Variants in DNAJC8 observed in about 807,000 individuals in gnomAD.
The protein encoded by DNAJC8 is dnaJ homolog subfamily C member 8.
In DNAJC8, 24 loss-of-function variants were observed where a neutral mutation model predicts 43.2. The ratio of observed to expected loss-of-function variants is 0.56; its 90% CI spans 0.40 to 0.78. The LOEUF is 0.78. Among genes scored for constraint, DNAJC8 ranks in the 30% least tolerant of loss-of-function variants. The pLI, the probability that DNAJC8 is intolerant of heterozygous loss-of-function variation, is 0.00. For missense variants in DNAJC8, 207 were observed against 299.4 expected (o/e 0.69, Z 2.28); for synonymous variants, 83 against 98.0 (o/e 0.85, Z 0.90).
At chr1:28,221,068 G>A (rs1485890255) in intron 2 of DNAJC8, among the ~76,000 whole-genome samples, 3 of 151,712 alleles carry the variant, frequency 2.0e-5, no homozygotes, top group Admixed American at 1.3e-4. Flanking sequence ...GGCTGGGCGC[G>A]GTGGCTCACG....
At chr1:28,212,614 A>G (rs1246729464) in intron 3 of DNAJC8, among the ~76,000 whole-genome samples, 2 of 152,004 alleles carry the variant, frequency 1.3e-5, no homozygotes, top group Non-Finnish European at 2.9e-5. Context: ...TTTATAATAA[A>G]CCAGCTAAAA....
chr1:28,224,046 C>T (rs1437855160), intron 2 of DNAJC8, among the ~76,000 whole-genome samples: 2 of 152,132 alleles, frequency 1.3e-5, no homozygotes, highest in Non-Finnish European at 2.9e-5. Flanking sequence ...ATGAAAGACA[C>T]AGGAGCTAGA....
intron 5 of DNAJC8, among the ~76,000 whole-genome samples, chr1:28,209,469 C>T (rs531290297): frequency 6.6e-6 from 1 of 152,332 alleles, no homozygotes; most frequent in East Asian, 1.9e-4. Context: ...ACAAAAATAA[C>T]ACCAGCTACA....
Position 28,201,198 on chromosome 1 carries a change from CAGGA to C in DNAJC8, c.*46_*49del, listed in dbSNP as rs764515963. The C allele has an allele frequency of 5.0e-6, 8 of 1,608,014 alleles. No homozygotes were observed. The highest frequency in any genetic ancestry group is 2.3e-4 in the Middle Eastern group (1 of 4,424). On this transcript the variant is annotated 3_prime_UTR_variant, in exon 9 of 9. Coordinates refer to ENST00000263697, the MANE Select transcript of DNAJC8 (RefSeq NM_014280.3). ...GGAGGAAAGAATGAGTCCTTCGAAGCAGGAAGGGAGATAGCAGGGGAAAGGTTCT... is the reference window on the plus strand; with the variant it reads ...GGAGGAAAGAATGAGTCCTTCGAAGCAGGGAGATAGCAGGGGAAAGGTTCT...
intron 8 of DNAJC8, among the ~76,000 whole-genome samples, chr1:28,202,578 CTTT>C (rs749474061): frequency 2.3e-5 from 3 of 131,174 alleles, no homozygotes; most frequent in Non-Finnish European, 4.7e-5. Context: ...CTCACCCGGC[CTTT>C]TTTTTTCTTT....
chr1:28,228,180 C>T (rs1646950037), intron 2 of DNAJC8, among the ~76,000 whole-genome samples: 1 of 151,922 alleles, frequency 6.6e-6, no homozygotes, highest in Non-Finnish European at 1.5e-5. Flanking sequence ...GAAACCCCAT[C>T]TCTACTAAGA....
At position 28,200,824 on chromosome 1, in the gene DNAJC8, G is replaced by A. The variant is rs561280143; in HGVS notation, c.*424C>T. Reference sequence around the variant, plus strand: ...ACACCCAGAAGCGAGCAACTGAAGCGAAGGGGCTTCCTAAGGTGCCCCTTC... The same window carrying A: ...ACACCCAGAAGCGAGCAACTGAAGCAAAGGGGCTTCCTAAGGTGCCCCTTC... On this transcript the variant is annotated 3_prime_UTR_variant, in exon 9 of 9. Coordinates refer to ENST00000263697, the MANE Select transcript of DNAJC8 (RefSeq NM_014280.3). 1.3e-4 allele frequency: 46 copies of A among 365,610 alleles called. No homozygotes were observed. Among genetic ancestry groups the A allele is most frequent in the East Asian group, 5.1e-4 (7 of 13,714 alleles). The allele number at this position is 365,610 out of a possible 1,614,324, so 22.6% of individuals were successfully genotyped here. A position where few individuals can be genotyped will look rare whatever the true frequency, so the allele number is the denominator to read the frequency against.
chr1:28,224,507 A>T (rs1283775373), intron 2 of DNAJC8, among the ~76,000 whole-genome samples: 1 of 152,000 alleles, frequency 6.6e-6, no homozygotes, highest in Non-Finnish European at 1.5e-5. Flanking sequence ...ACCTCAAGTG[A>T]TCTGCCCGCC....
chr1:28,213,811 A>T (rs1183288920), intron 3 of DNAJC8, among the ~76,000 whole-genome samples: 1 of 152,102 alleles, frequency 6.6e-6, no homozygotes, highest in Non-Finnish European at 1.5e-5. Context: ...TGAGCCCAGA[A>T]TTGAGACCAG....
chr1:28,202,528 C>T (rs968644206), intron 8 of DNAJC8, among the ~76,000 whole-genome samples: 14 of 151,196 alleles, frequency 9.3e-5, no homozygotes, highest in Non-Finnish European at 1.3e-4. Flanking sequence ...ATCCGCCTGC[C>T]GTGGCCTCCC....
intron 1 of DNAJC8, among the ~76,000 whole-genome samples, chr1:28,230,966 AG>A (rs1427898371): frequency 7.9e-5 from 12 of 152,346 alleles, no homozygotes; most frequent in Middle Eastern, 6.8e-3. Context: ...CACCCTACAG[AG>A]GTCCCATCTT....
intron 8 of DNAJC8, among the ~76,000 whole-genome samples, chr1:28,203,081 T>C (rs1646747876): frequency 6.6e-6 from 1 of 152,180 alleles, no homozygotes; most frequent in African/African-American, 2.4e-5. Context: ...GCCAGTACAA[T>C]GCCTAGCGAG....
chr1:28,216,168 G>A (rs1646853027), intron 2 of DNAJC8, among the ~76,000 whole-genome samples: 1 of 152,100 alleles, frequency 6.6e-6, no homozygotes, highest in Admixed American at 6.5e-5. Context: ...GGCCAACATG[G>A]AGAAACCCCG....
intron 1 of DNAJC8, among the ~76,000 whole-genome samples, chr1:28,232,345 G>C (rs578129802): frequency 6.6e-6 from 1 of 152,220 alleles, no homozygotes; most frequent in East Asian, 1.9e-4. Flanking sequence ...CTATGCGCTG[G>C]AGATGCGATA....
rs770661212 is a variant in DNAJC8, at chr1:28,201,275, C to T, written c.735G>A (p.Pro245=). Residue 245 remains proline (P), a synonymous_variant, in exon 9 of 9, where the codon CCG becomes CCA. Transcript: ENST00000263697. The stretch of plus-strand genomic sequence containing the variant: ...ACTCACGTTGCTCCATTTTTACTTT[C>T]GGTGGTCTCAGGAAGGTCCGATTTT... ...EKKNRTFLRP[P]KVKMEQRE is the part of the protein sequence containing the mutation. The T allele has an allele frequency of 7.4e-6, 12 of 1,612,204 alleles. No homozygotes were observed. Among genetic ancestry groups the T allele is most frequent in the African/African-American group, 4.0e-5 (3 of 74,832 alleles).
At chr1:28,221,641 A>C (rs147970850) in intron 2 of DNAJC8, among the ~76,000 whole-genome samples, 1 of 152,318 alleles carries the variant, frequency 6.6e-6, no homozygotes, top group Non-Finnish European at 1.5e-5. Flanking sequence ...TTATATGGTC[A>C]TATGTTCCCT....
intron 2 of DNAJC8, among the ~76,000 whole-genome samples, chr1:28,218,674 G>A (rs1409555455): frequency 1.3e-5 from 2 of 151,912 alleles, no homozygotes. Flanking sequence ...GGGAGGCCAA[G>A]GCAGGGAGAT....
chr1:28,205,879 A>C (rs1646764888), intron 6 of DNAJC8, among the ~76,000 whole-genome samples: 2 of 151,490 alleles, frequency 1.3e-5, no homozygotes, highest in South Asian at 4.2e-4. Flanking sequence ...CAAGAGGGAA[A>C]CTCCGTCTCA....
intron 2 of DNAJC8, among the ~76,000 whole-genome samples, chr1:28,216,918 C>T (rs1199401643): frequency 1.3e-5 from 2 of 150,884 alleles, no homozygotes; most frequent in African/African-American, 4.9e-5. Context: ...AAGCGATTCT[C>T]CTGCCTCAGA....
Sources: allele counts gnomAD v4.1 joint callset (sites outside exome capture counted in the v4.1 genomes callset), GRCh38; gene constraint gnomAD v4.1.1; transcripts MANE v1.5; gene names NCBI Gene and HGNC (gene_info 2026-07-23, HGNC 2026-07-21).